Variants in RUFY2 observed in about 807,000 individuals in gnomAD.
The protein encoded by RUFY2 is RUN and FYVE domain-containing protein 2.
A neutral mutation model predicts 94.4 loss-of-function variants in RUFY2; 49 were observed. The ratio of observed to expected loss-of-function variants is 0.52; its 90% CI spans 0.41 to 0.66. RUFY2 has a LOEUF of 0.66. RUFY2 is among the 30% of genes least tolerant of loss of function. The pLI, the probability that RUFY2 is intolerant of heterozygous loss-of-function variation, is 0.00. For missense variants in RUFY2, 541 were observed against 692.8 expected (o/e 0.78, Z 2.46); for synonymous variants, 255 against 235.7 (o/e 1.08, Z -0.75).
chr10:68,365,007 A>G (rs1391332105), intron 13 of RUFY2, among the ~76,000 whole-genome samples: 1 of 152,024 alleles, frequency 6.6e-6, no homozygotes, highest in East Asian at 1.9e-4. Flanking sequence ...TAACAATACT[A>G]CAGTTACTAA....
At chr10:68,367,816 T>C (rs2047966784) in intron 13 of RUFY2, among the ~76,000 whole-genome samples, 1 of 147,648 alleles carries the variant, frequency 6.8e-6, no homozygotes, top group Admixed American at 6.8e-5. Flanking sequence ...CCCAGGCTGG[T>C]CTTAAACTCC....
At chr10:68,341,456 C>T (rs946158479), downstream of RUFY2, 40 of 996,820 alleles carry the variant, frequency 4.0e-5, 2 homozygotes, top group East Asian at 2.8e-4. Flanking sequence ...CTTTATATAT[C>T]GCTGTACTAG....
chr10:68,341,163 CT>C (rs1487995922), downstream of RUFY2: 4 of 1,529,784 alleles, frequency 2.6e-6, no homozygotes, highest in Non-Finnish European at 2.6e-6. Flanking sequence ...TAAGTGTTTC[CT>C]TTTATTTAGT....
At chr10:68,407,023 G>A in intron 1 of RUFY2, 163 bp downstream of exon 1, 2 of 1,487,600 alleles carry the variant, frequency 1.3e-6, no homozygotes, top group Admixed American at 2.2e-5. Flanking sequence ...TGACGACCCC[G>A]GGAGCCCCCG....
At chr10:68,355,495 A>G in intron 15 of RUFY2, 94 bp from the exon 16 acceptor site, 1 of 723,286 alleles carries the variant, frequency 1.4e-6, no homozygotes, top group Non-Finnish European at 2.3e-6. Context: ...CATAGGATAT[A>G]AAATTATGTA....
chr10:68,346,939 C>T (rs1397019934), intron 16 of RUFY2, among the ~76,000 whole-genome samples: 1 of 152,034 alleles, frequency 6.6e-6, no homozygotes, highest in Non-Finnish European at 1.5e-5. Flanking sequence ...GAAGACTGGC[C>T]TGGGGAACAG....
intron 1 of RUFY2, 88 bp downstream of exon 1, chr10:68,407,098 T>TC: frequency 1.3e-6 from 2 of 1,506,486 alleles, no homozygotes; most frequent in Non-Finnish European, 1.8e-6. Flanking sequence ...CCTCGGCGTC[T>TC]CCCCCAGCTC....
chr10:68,357,506 A>G (rs1386994538), intron 15 of RUFY2, among the ~76,000 whole-genome samples: 1 of 152,152 alleles, frequency 6.6e-6, no homozygotes, highest in Non-Finnish European at 1.5e-5. Context: ...TGCTAGGATT[A>G]CACACGTGAG....
At chr10:68,396,134 G>C (rs2050375802) in intron 4 of RUFY2, among the ~76,000 whole-genome samples, 1 of 152,194 alleles carries the variant, frequency 6.6e-6, no homozygotes, top group Non-Finnish European at 1.5e-5. Context: ...AAGTAGCTGA[G>C]ATTACAGGCA....
intron 2 of RUFY2, among the ~76,000 whole-genome samples, chr10:68,402,360 A>C (rs1284330823): frequency 1.3e-5 from 2 of 152,138 alleles, no homozygotes; most frequent in African/African-American, 4.8e-5. Flanking sequence ...TGAAATTGCC[A>C]TACATTTTTG....
intron 15 of RUFY2, among the ~76,000 whole-genome samples, chr10:68,357,800 C>G (rs2047165531): frequency 6.6e-6 from 1 of 152,074 alleles, no homozygotes; most frequent in Non-Finnish European, 1.5e-5. Flanking sequence ...TTGGTATATA[C>G]CATGAAAAAG....
rs1379743608 is a variant in RUFY2, at chr10:68,343,604, C to G, written c.*2164G>C. 6.6e-6 allele frequency: 1 copy of G among 152,058 alleles called. No individual in the cohort carries two copies. The highest frequency in any genetic ancestry group is 1.5e-5 in the Non-Finnish European group (1 of 67,898). The allele number at this position is 152,058 out of a possible 1,614,324, so 9.4% of individuals were successfully genotyped here. ...TTAGAAGAATTACAATTGTAATTCC[C>G]TGGCACCATGATAGCATTATTGTGG... On this transcript the variant is annotated 3_prime_UTR_variant, in exon 18 of 18. Coordinates refer to ENST00000602465, the MANE Select transcript of RUFY2 (RefSeq NM_001330103.2).
intron 16 of RUFY2, among the ~76,000 whole-genome samples, chr10:68,348,011 C>T (rs1472605932): frequency 6.6e-6 from 1 of 152,024 alleles, no homozygotes; most frequent in East Asian, 1.9e-4. Flanking sequence ...CTTTTTGTTT[C>T]ACAGTCTTAA....
Position 68,386,066 on chromosome 10 carries a change from A to G in RUFY2, c.713T>C (p.Ile238Thr). The change falls in exon 8 of 18, where the codon ATT (isoleucine) becomes ACT (threonine). Residue 238 changes from isoleucine to threonine, a missense_variant. Ile to Thr is a moderately conservative substitution (Grantham distance 89, BLOSUM62 -1). Around this residue, in one of 3 missense-constraint regions of RUFY2, gnomAD observed 403 missense variants for 480.7 expected, o/e 0.84. Transcript: ENST00000602465. ...DSLEKSNTKL[I>T]EELAIAKNNI... ...TTATCCATTAGACAATACCTCTTCA[A>G]TCAGCTTAGTATTTGACTTTTCTAA... 1 of 1,605,166 alleles carries G rather than the reference A, an allele frequency of 6.2e-7. No individual in the cohort carries two copies. Among genetic ancestry groups the G allele is most frequent in the Non-Finnish European group, 8.5e-7 (1 of 1,173,384 alleles).
At chr10:68,399,714 A>T (rs1309713561) in intron 3 of RUFY2, among the ~76,000 whole-genome samples, 2 of 152,254 alleles carry the variant, frequency 1.3e-5, no homozygotes, top group African/African-American at 4.8e-5. Context: ...TAATGCAAAA[A>T]AAGTTATCTC....
At chr10:68,401,013 A>T (rs2050803082) in intron 3 of RUFY2, among the ~76,000 whole-genome samples, 1 of 86,786 alleles carries the variant, frequency 1.2e-5, no homozygotes, top group Non-Finnish European at 2.0e-5. Context: ...ACTCCGTCTC[A>T]AAGAAAAAAA....
chr10:68,388,558 C>T (rs1030289371), intron 7 of RUFY2, among the ~76,000 whole-genome samples: 1 of 151,842 alleles, frequency 6.6e-6, no homozygotes, highest in African/African-American at 2.4e-5. Flanking sequence ...AATGAAAGGC[C>T]GGGTGCAGTG....
intron 13 of RUFY2, among the ~76,000 whole-genome samples, chr10:68,376,156 T>G (rs910730453): frequency 2.7e-4 from 41 of 150,474 alleles, no homozygotes; most frequent in African/African-American, 9.3e-4. Context: ...CTGGGTGCAG[T>G]GGCTCATGCC....
intron 2 of RUFY2, among the ~76,000 whole-genome samples, chr10:68,402,724 C>CA (rs34726850): frequency 0.27 from 36,656 of 136,144 alleles, 6,018 homozygotes; most frequent in African/African-American, 0.49. Flanking sequence ...ACCCCCATCT[C>CA]AAAAAAAAAA....
Sources: allele counts gnomAD v4.1 joint callset (sites outside exome capture counted in the v4.1 genomes callset), GRCh38; gene constraint gnomAD v4.1.1; regional missense constraint gnomAD v4.1.1; transcripts MANE v1.5; gene names NCBI Gene and HGNC (gene_info 2026-07-23, HGNC 2026-07-21).